Variants in PLCG2 observed in about 807,000 individuals in gnomAD.
PLCG2 encodes 1-phosphatidylinositol 4,5-bisphosphate phosphodiesterase gamma-2.
In PLCG2, 69 loss-of-function variants were observed where a neutral mutation model predicts 175.6. That is an observed-to-expected ratio of 0.39 (90% confidence interval 0.32 to 0.48). PLCG2 has a LOEUF of 0.48. Ranked by LOEUF, PLCG2 falls within the 20% of genes least tolerant of loss-of-function variation. The pLI is 0.91. For synonymous variants in PLCG2, 827 were observed against 624.0 expected, an observed-to-expected ratio of 1.33 and a Z score of -4.85; for missense variants, 1,798 against 1,650.9, an observed-to-expected ratio of 1.09 and a Z score of -1.54.
intron 24 of PLCG2, among the ~76,000 whole-genome samples, chr16:81,930,762 A>C (rs1428178616): frequency 6.6e-6 from 1 of 151,472 alleles, no homozygotes; most frequent in East Asian, 1.9e-4. Context: ...AAAAAAAAAA[A>C]AGCCATTTAA....
intron 31 of PLCG2, among the ~76,000 whole-genome samples, chr16:81,946,992 G>C (rs1009483449): frequency 6.6e-6 from 1 of 152,162 alleles, no homozygotes; most frequent in Non-Finnish European, 1.5e-5. Flanking sequence ...AAGGGAACCA[G>C]TGCTGCTTCT....
intron 5 of PLCG2, among the ~76,000 whole-genome samples, chr16:81,860,147 T>G (rs138128599): frequency 4.0e-3 from 398 of 99,504 alleles, no homozygotes; most frequent in African/African-American, 0.013. Flanking sequence ...TATTTACTAT[T>G]ATTATTATTA....
intron 2 of PLCG2, 84 bp downstream of exon 2, chr16:81,786,266 A>G (rs1910968380): frequency 4.5e-6 from 5 of 1,100,536 alleles, no homozygotes; most frequent in East Asian, 2.5e-5. Flanking sequence ...TCTTGTCATT[A>G]CTGTGATTGT....
At chr16:81,795,647 G>T (rs184217795) in intron 2 of PLCG2, among the ~76,000 whole-genome samples, 3 of 152,206 alleles carry the variant, frequency 2.0e-5, no homozygotes, top group South Asian at 4.2e-4. Context: ...CAGGAGGTTG[G>T]AGGTTTCTAT....
At chr16:81,916,232 TG>T (rs1274047255) in intron 19 of PLCG2, among the ~76,000 whole-genome samples, 3 of 151,870 alleles carry the variant, frequency 2.0e-5, no homozygotes, top group Non-Finnish European at 4.4e-5. Context: ...CAGGACTTTT[TG>T]ACGAAATCGC....
intron 19 of PLCG2, among the ~76,000 whole-genome samples, chr16:81,914,437 G>A (rs952902579): frequency 1.3e-5 from 2 of 152,194 alleles, no homozygotes; most frequent in Non-Finnish European, 2.9e-5. Flanking sequence ...GATGGGGTTG[G>A]GGTCACTTCA....
intron 3 of PLCG2, among the ~76,000 whole-genome samples, chr16:81,855,571 G>T (rs918063010): frequency 2.0e-5 from 3 of 152,194 alleles, no homozygotes; most frequent in African/African-American, 7.2e-5. Context: ...TTGTGTACAT[G>T]CCAGTGAGCT....
At chr16:81,835,168 T>A (rs1387211327) in intron 2 of PLCG2, among the ~76,000 whole-genome samples, 1 of 152,218 alleles carries the variant, frequency 6.6e-6, no homozygotes, top group Admixed American at 6.5e-5. Flanking sequence ...AGCCTTAGAA[T>A]TTTATGTCTG....
chr16:81,910,755 T>C (rs760668835), intron 18 of PLCG2, 35 bp downstream of exon 18: 1 of 1,587,292 alleles, frequency 6.3e-7, no homozygotes, highest in East Asian at 2.2e-5. Flanking sequence ...AGGCAGGCGG[T>C]GGTCGGGTTA....
intron 1 of PLCG2, among the ~76,000 whole-genome samples, chr16:81,743,293 G>C (rs9923488): frequency 0.41 from 61,971 of 151,938 alleles, 12,876 homozygotes; most frequent in East Asian, 0.7. Flanking sequence ...TGAGGCTGCA[G>C]TGAGCCACAG....
chr16:81,758,268 G>A lies in PLCG2; in HGVS notation c.-48+2302G>A, dbSNP rs373174260. Among the ~76,000 whole-genome samples the A allele has an allele frequency of 9.4e-4, 143 of 152,264 alleles. 3 individuals carry two copies. The highest frequency in any genetic ancestry group is 4.6e-3 in the South Asian group (22 of 4,830). On this transcript the variant is annotated intron_variant, in intron 2 of 5. Coordinates refer to the PLCG2 transcript ENST00000565054. ...GCTGGGATTAGAGGTGTGAACCCTCGTGCCCAGGCTCACTTAGCATTGCAT... is the reference window on the plus strand; with the variant it reads ...GCTGGGATTAGAGGTGTGAACCCTCATGCCCAGGCTCACTTAGCATTGCAT...
chr16:81,932,858 C>T (rs1209864343), intron 25 of PLCG2, among the ~76,000 whole-genome samples: 1 of 152,256 alleles, frequency 6.6e-6, no homozygotes, highest in African/African-American at 2.4e-5. Context: ...GAACCATGAG[C>T]TTGTAGCCAG....
intron 11 of PLCG2, 62 bp from the exon 12 acceptor site, chr16:81,893,647 G>C: frequency 3.0e-6 from 3 of 986,270 alleles, no homozygotes; most frequent in Non-Finnish European, 1.6e-6. Flanking sequence ...CTGAGGTGCA[G>C]GCTTGCCCCC....
intron 2 of PLCG2, among the ~76,000 whole-genome samples, chr16:81,834,364 TGA>T (rs1047739993): frequency 1.3e-5 from 2 of 152,138 alleles, no homozygotes; most frequent in Admixed American, 1.3e-4. Context: ...GCGGTCTGTG[TGA>T]GAGTCTTAGC....
intron 9 of PLCG2, among the ~76,000 whole-genome samples, chr16:81,888,718 C>G (rs138859004): frequency 5.3e-4 from 81 of 152,318 alleles, no homozygotes; most frequent in African/African-American, 1.9e-3. Flanking sequence ...ACCTGGAAGG[C>G]TGATGTAACT....
intron 1 of PLCG2, among the ~76,000 whole-genome samples, chr16:81,745,234 A>C (rs981575720): frequency 1.3e-5 from 2 of 152,170 alleles, no homozygotes; most frequent in Admixed American, 6.5e-5. Flanking sequence ...CCTCCCTCCC[A>C]CTGATTGGCC....
chr16:81,882,985 G>T (rs1908162064), intron 8 of PLCG2, among the ~76,000 whole-genome samples: 1 of 152,096 alleles, frequency 6.6e-6, no homozygotes, highest in Non-Finnish European at 1.5e-5. Flanking sequence ...TCCTGGAGGG[G>T]CTCCTCAGAC....
At chr16:81,870,359 A>G (rs768727972) in intron 6 of PLCG2, among the ~76,000 whole-genome samples, 3 of 152,240 alleles carry the variant, frequency 2.0e-5, no homozygotes, top group South Asian at 2.1e-4. Context: ...CCATAAAGCA[A>G]TTAATTGGAG....
At chr16:81,957,685 ACTGTG>A (rs1255501286) in intron 32 of PLCG2, among the ~76,000 whole-genome samples, 4 of 152,048 alleles carry the variant, frequency 2.6e-5, no homozygotes, top group African/African-American at 9.7e-5. Flanking sequence ...CCAACGAGAA[ACTGTG>A]CTGCCTCCCT....
Sources: gnomAD v4.1 joint callset for allele counts (sites outside exome capture counted in the v4.1 genomes callset) on GRCh38, gnomAD v4.1.1 for gene constraint, MANE v1.5 for transcripts, NCBI Gene and HGNC (gene_info 2026-07-23, HGNC 2026-07-21) for gene names.